BTAF1: variants seen among roughly 807,000 people sequenced by gnomAD.
The protein encoded by BTAF1 is TATA-binding protein-associated factor 172.
A neutral mutation model predicts 227.1 loss-of-function variants in BTAF1; 38 were observed. That is an observed-to-expected ratio of 0.17 (90% CI 0.13 to 0.22). The LOEUF (loss-of-function observed/expected upper bound fraction) is 0.22, where lower values mean the gene tolerates loss of function less well. BTAF1 is among the 10% of genes least tolerant of loss of function. The pLI is 1.00. For missense variants in BTAF1, 1,598 were observed against 2,204.0 expected, an observed-to-expected ratio of 0.73 and a Z score of 5.51; for synonymous variants, 742 against 751.9, an observed-to-expected ratio of 0.99 and a Z score of 0.21.
At position 91,935,744 on chromosome 10, in the gene BTAF1, G is replaced by T; in HGVS notation, c.102G>T (p.Lys34Asn). ...CACAGCAACTTGGAGAAGTGGTGAA[G>T]CTTCATCCCCATGAACTAAATAATC... ...AAAQQLGEVV[K>N]LHPHELNNLL... is the part of the protein sequence containing the mutation. The change falls in exon 2 of 38, where the codon AAG becomes AAT. Residue 34 changes from lysine (K) to asparagine (N), a missense_variant. Lys to Asn is a moderately conservative substitution (Grantham distance 94). Transcript: ENST00000265990. The T allele has an allele frequency of 6.2e-7, 1 of 1,613,140 alleles. No individual in the cohort carries two copies. The highest frequency in any genetic ancestry group is 8.5e-7 in the Non-Finnish European group (1 of 1,179,474).
At chr10:92,013,535 C>T (rs988862109) in intron 30 of BTAF1, 132 bp from the exon 31 acceptor site, 3 of 1,175,306 alleles carry the variant, frequency 2.6e-6, no homozygotes, top group South Asian at 1.5e-5. Context: ...TAAAGACTTA[C>T]ACCATATGTC....
intron 11 of BTAF1, among the ~76,000 whole-genome samples, chr10:91,961,981 CAT>C (rs1233722335): frequency 1.3e-5 from 2 of 152,066 alleles, no homozygotes; most frequent in Non-Finnish European, 2.9e-5. Context: ...ACGTATAAAA[CAT>C]GTTTTGATGT....
chr10:91,969,444 A>G (rs899946197), intron 14 of BTAF1, among the ~76,000 whole-genome samples: 7 of 152,058 alleles, frequency 4.6e-5, no homozygotes, highest in African/African-American at 1.7e-4. Flanking sequence ...CACCAATATT[A>G]TTTGTTGGTT....
At chr10:91,987,942 G>T (rs962130810) in intron 19 of BTAF1, among the ~76,000 whole-genome samples, 3 of 152,098 alleles carry the variant, frequency 2.0e-5, no homozygotes, top group African/African-American at 7.2e-5. Context: ...CTTTTTCTGT[G>T]TGTTGTGCTC....
At chr10:91,933,950 A>G (rs1589743806) in intron 1 of BTAF1, among the ~76,000 whole-genome samples, 1 of 152,352 alleles carries the variant, frequency 6.6e-6, no homozygotes, top group South Asian at 2.1e-4. Flanking sequence ...AAGTAGGTCA[A>G]GAAACCATTT....
rs1845245043 is a variant in BTAF1, at chr10:91,944,736, C to T, written c.400+2168C>T. 3.9e-5 allele frequency among the ~76,000 whole-genome samples: 6 copies of T among 152,334 alleles called. No individual in the cohort carries two copies. In the South Asian group the frequency reaches 1.2e-3, roughly 32 times the overall value. ...TTATCCTCTTACTTCCTTCCCTCCT[C>T]TTCCCAGCAACCATGAGTCTACTTT... On this transcript the variant is annotated intron_variant, in intron 4 of 37. Transcript: ENST00000265990.
intron 14 of BTAF1, among the ~76,000 whole-genome samples, chr10:91,971,127 G>C (rs891247171): frequency 6.6e-6 from 1 of 152,058 alleles, no homozygotes. Flanking sequence ...TGTGTTTCCT[G>C]TATCCTTTTG....
chr10:91,972,482 A>C (rs567359621), intron 14 of BTAF1, among the ~76,000 whole-genome samples: 9 of 152,220 alleles, frequency 5.9e-5, no homozygotes, highest in African/African-American at 2.2e-4. Context: ...AGCATTTCCA[A>C]CTTCTGTAAC....
chr10:91,949,262 G>C lies in BTAF1; in HGVS notation c.401-2141G>C, dbSNP rs183835578. ...TAGGTGGACAAGGCTCCAGTGAGCT[G>C]TCATCATGCTACTGCAGTCCAGCGT... On this transcript the variant is annotated intron_variant, in intron 4 of 37. Transcript: ENST00000265990. Among the ~76,000 whole-genome samples the C allele has an allele frequency of 1.8e-3, 281 of 152,300 alleles. 1 individual carries two copies. In the South Asian group the frequency reaches 0.019, roughly 11 times the overall value.
intron 35 of BTAF1, 125 bp from the exon 36 acceptor site, chr10:92,026,467 C>T (rs1851525163): frequency 2.8e-6 from 2 of 725,932 alleles, no homozygotes; most frequent in Non-Finnish European, 4.3e-6. Flanking sequence ...CTCAGATGAT[C>T]ATGTAAGTAT....
At chr10:92,010,922 C>A in intron 28 of BTAF1, 151 bp from the exon 29 acceptor site, 1 of 640,436 alleles carries the variant, frequency 1.6e-6, no homozygotes, top group South Asian at 1.9e-5. Context: ...GCCAGATCAT[C>A]AGAAGAGTAG....
At chr10:91,928,135 T>C (rs921254427) in intron 1 of BTAF1, among the ~76,000 whole-genome samples, 2 of 152,128 alleles carry the variant, frequency 1.3e-5, no homozygotes, top group African/African-American at 4.8e-5. Flanking sequence ...GTTTATAATA[T>C]AGTAAATTCT....
chr10:91,956,538 A>G lies in BTAF1; in HGVS notation c.712A>G (p.Thr238Ala), dbSNP rs774986141. Residue 238 changes from threonine to alanine, a missense_variant, in exon 7 of 38, where the codon ACT becomes GCT. Coordinates refer to ENST00000265990, the MANE Select transcript of BTAF1 (RefSeq NM_003972.3). ...VETNEKSNDS[T>A]DGEPEEKRRK... ...ACTTTTATTTTTTAGCAATGATAGC[A>G]CTGATGGGGAGCCAGAAGAAAAGAG... 1 of 1,602,934 alleles carries G rather than the reference A, an allele frequency of 6.2e-7. No individual in the cohort carries two copies. Among genetic ancestry groups the G allele is most frequent in the Non-Finnish European group, 8.5e-7 (1 of 1,177,064 alleles).
In BTAF1 at chr10:91,952,160, T is replaced by G. The variant is rs200313241; in HGVS notation, c.564+594T>G. 9.4e-5 allele frequency among the ~76,000 whole-genome samples: 14 copies of G among 148,614 alleles called. No individual in the cohort carries two copies. In the East Asian group the frequency reaches 1.0e-3, roughly 11 times the overall value. On this transcript the variant is annotated intron_variant, in intron 5 of 37. Coordinates refer to ENST00000265990, the MANE Select transcript of BTAF1 (RefSeq NM_003972.3). ...TATATGTATATGTGTGTGTGTGTGTTTGTGTGTGTGTGTGTGTGTGTATAT... is the reference window on the plus strand; with the variant it reads ...TATATGTATATGTGTGTGTGTGTGTGTGTGTGTGTGTGTGTGTGTGTATAT...
At chr10:91,952,745 A>G (rs540709909) in intron 5 of BTAF1, among the ~76,000 whole-genome samples, 1 of 152,324 alleles carries the variant, frequency 6.6e-6, no homozygotes, top group South Asian at 2.1e-4. Flanking sequence ...AAGAGAGAGT[A>G]TGAAGAGGCC....
chr10:91,992,024 A>G (rs1848825858), intron 20 of BTAF1, 95 bp from the exon 21 acceptor site: 2 of 1,054,808 alleles, frequency 1.9e-6, no homozygotes, highest in Non-Finnish European at 2.6e-6. Flanking sequence ...GGCCTAAAAG[A>G]CATAGTTTAA....
chr10:92,012,585 G>A (rs7089825), intron 30 of BTAF1, among the ~76,000 whole-genome samples: 148,336 of 150,660 alleles, frequency 0.98, 73,069 homozygotes, highest in Middle Eastern at 1. Context: ...AGCCTGGCCA[G>A]TGTGGCAAAA....
intron 34 of BTAF1, among the ~76,000 whole-genome samples, chr10:92,022,125 G>A (rs1352394672): frequency 6.6e-6 from 1 of 152,106 alleles, no homozygotes; most frequent in Admixed American, 6.5e-5. Context: ...ATAGATTAGT[G>A]AGAATACCAG....
chr10:91,938,007 A>G (rs1413190166), intron 2 of BTAF1, among the ~76,000 whole-genome samples: 2 of 152,210 alleles, frequency 1.3e-5, no homozygotes, highest in African/African-American at 2.4e-5. Context: ...CCTGATGACT[A>G]ATGATATCAG....
Sources: gnomAD v4.1 joint callset for allele counts (sites outside exome capture counted in the v4.1 genomes callset) on GRCh38, gnomAD v4.1.1 for gene constraint, MANE v1.5 for transcripts, NCBI Gene and HGNC (gene_info 2026-07-23, HGNC 2026-07-21) for gene names.